Variants in STXBP5 observed in about 807,000 individuals in gnomAD.
The protein encoded by STXBP5 is syntaxin-binding protein 5.
In STXBP5, 50 loss-of-function variants were observed where a neutral mutation model predicts 152.4. That is an observed-to-expected ratio of 0.33 (90% CI 0.26 to 0.42). The LOEUF is 0.42. STXBP5 is among the 10% of genes least tolerant of loss of function. STXBP5 has a pLI of 1.00. For synonymous variants in STXBP5, 492 were observed against 494.7 expected (o/e 0.99, Z 0.07); for missense variants, 1,167 against 1,388.6 (o/e 0.84, Z 2.54).
Position 147,382,976 on chromosome 6 carries a change from C to T in STXBP5, c.3392C>T (p.Ser1131Leu), listed in dbSNP as rs1039243195. ...GCGGCCATGTTATCAAGTGCAGAGT[C>T]ATTTTCTAAACATGCTCATGAGGTA... The part of the protein sequence containing the change: ...RTAAMLSSAE[S>L]FSKHAHEIML... Residue 1131 changes from serine to leucine, a missense_variant, in exon 27 of 28, where the codon TCA becomes TTA. By Grantham distance (145) the Ser-to-Leu change is moderately radical. Transcript: ENST00000321680. 2 of 1,613,204 alleles carry T rather than the reference C, an allele frequency of 1.2e-6. No homozygotes were observed. Among genetic ancestry groups the T allele is most frequent in the Non-Finnish European group, 1.7e-6 (2 of 1,179,598 alleles).
At chr6:147,283,336 A>G (rs1469080373) in intron 8 of STXBP5, among the ~76,000 whole-genome samples, 2 of 152,190 alleles carry the variant, frequency 1.3e-5, no homozygotes, top group African/African-American at 4.8e-5. Flanking sequence ...ATTCACCTGA[A>G]ATCTAAAACA....
chr6:147,205,485 A>G (rs1776502691), intron 1 of STXBP5, among the ~76,000 whole-genome samples: 1 of 151,946 alleles, frequency 6.6e-6, no homozygotes, highest in Non-Finnish European at 1.5e-5. Context: ...ACAAGTGTAA[A>G]ATGTTGGGAT....
Position 147,337,126 on chromosome 6 carries a change from A to G in STXBP5, c.2147-2053A>G, listed in dbSNP as rs1338372585. Among the ~76,000 whole-genome samples the G allele has an allele frequency of 2.0e-5, 3 of 151,566 alleles. No individual in the cohort carries two copies. In the East Asian group the frequency reaches 5.8e-4, roughly 29 times the overall value. ...CAAAGAACTTATATTGCTTCACTGA[A>G]CACTTTAGTATTATTGGAATTTTTT... On this transcript the variant is annotated intron_variant, in intron 19 of 27. Transcript: ENST00000321680.
Position 147,387,130 on chromosome 6 carries a change from A to G in STXBP5, c.*2375A>G, listed in dbSNP as rs1786377900. On this transcript the variant is annotated 3_prime_UTR_variant, in exon 28 of 28. Coordinates refer to ENST00000321680, the MANE Select transcript of STXBP5 (RefSeq NM_001127715.4). ...CAGTTAGGATTAGAAAGCTTAAAGTATGTTTGAGTGTAGGAAATAAGCTTC... is the reference window on the plus strand; with the variant it reads ...CAGTTAGGATTAGAAAGCTTAAAGTGTGTTTGAGTGTAGGAAATAAGCTTC... 6.6e-6 allele frequency: 1 copy of G among 151,672 alleles called. No individual in the cohort carries two copies. Among genetic ancestry groups the G allele is most frequent in the African/African-American group, 2.4e-5 (1 of 41,394 alleles). 9.4% of individuals were successfully genotyped at this position (151,672 alleles called of 1,614,324 possible). A position where few individuals can be genotyped will look rare whatever the true frequency, so the allele number is the denominator to read the frequency against.
chr6:147,269,742 A>G (rs577288477), intron 7 of STXBP5, among the ~76,000 whole-genome samples: 1 of 152,282 alleles, frequency 6.6e-6, no homozygotes, highest in South Asian at 2.1e-4. Flanking sequence ...GTACTGCCAA[A>G]GGATTAATAC....
chr6:147,313,872 C>T lies in STXBP5; in HGVS notation c.1146-12C>T. Reference sequence around the variant, plus strand: ...TAAATTAATAAATACTTTTCTTTTTCTGTTGTTAAAGATATCCTATATTTG... The same window carrying T: ...TAAATTAATAAATACTTTTCTTTTTTTGTTGTTAAAGATATCCTATATTTG... On this transcript the variant is annotated splice_polypyrimidine_tract_variant and intron_variant, in intron 11 of 27. Transcript: ENST00000321680. 1 of 1,472,986 alleles carries T rather than the reference C, an allele frequency of 6.8e-7. No individual in the cohort carries two copies. Among genetic ancestry groups the T allele is most frequent in the Admixed American group, 1.9e-5 (1 of 52,464 alleles). 91.2% of individuals were successfully genotyped at this position (1,472,986 alleles called of 1,614,324 possible).
chr6:147,336,431 T>A (rs1247003328), intron 19 of STXBP5, among the ~76,000 whole-genome samples: 1 of 151,966 alleles, frequency 6.6e-6, no homozygotes, highest in Non-Finnish European at 1.5e-5. Flanking sequence ...AACATTCTAA[T>A]AGGAAAATAA....
rs148831335 is a variant in STXBP5, at chr6:147,281,853, T to A, written c.838+3649T>A. On this transcript the variant is annotated intron_variant, in intron 8 of 27. Coordinates refer to ENST00000321680, the MANE Select transcript of STXBP5 (RefSeq NM_001127715.4). ...GATTTTGAAGCCAGAAGAGTTGTAG[T>A]TAAGCACTAATTCCATAGTTTCTGG... 4.9e-4 allele frequency among the ~76,000 whole-genome samples: 74 copies of A among 152,332 alleles called. 1 individual carries two copies. In the East Asian group the frequency reaches 0.013, roughly 27 times the overall value.
At chr6:147,296,011 G>T (rs1781502904) in intron 9 of STXBP5, among the ~76,000 whole-genome samples, 1 of 151,976 alleles carries the variant, frequency 6.6e-6, no homozygotes, top group African/African-American at 2.4e-5. Context: ...AGTGCCTGTG[G>T]CCAGGAACAG....
At chr6:147,368,945 A>C (rs1376225719) in intron 25 of STXBP5, among the ~76,000 whole-genome samples, 16 of 151,922 alleles carry the variant, frequency 1.1e-4, no homozygotes. Context: ...AATTTTTTAA[A>C]GTCTTAAAAA....
intron 4 of STXBP5, among the ~76,000 whole-genome samples, chr6:147,251,596 G>T (rs1015718972): frequency 6.6e-6 from 1 of 152,180 alleles, no homozygotes; most frequent in African/African-American, 2.4e-5. Context: ...CCAGTCAGTG[G>T]CTTATAGATG....
chr6:147,228,828 G>A (rs895403596), intron 2 of STXBP5, among the ~76,000 whole-genome samples: 1 of 151,892 alleles, frequency 6.6e-6, no homozygotes, highest in African/African-American at 2.4e-5. Flanking sequence ...ACATATTTTA[G>A]GAATTAATGT....
At position 147,267,154 on chromosome 6, in the gene STXBP5, A is replaced by C; in HGVS notation, c.701A>C (p.Tyr234Ser). The C allele has an allele frequency of 6.2e-7, 1 of 1,608,954 alleles. No individual in the cohort carries two copies. Among genetic ancestry groups the C allele is most frequent in the Non-Finnish European group, 8.5e-7 (1 of 1,178,164 alleles). The part of the protein sequence containing the change: ...DLKSKKADYR[Y>S]TYDEAIHSVA... ...AAATCAAAGAAAGCCGACTACAGAT[A>C]CACATATGATGAGGTAATATTATTT... Residue 234 changes from tyrosine (Y) to serine (S), a missense_variant, in exon 7 of 28, where the codon TAC (tyrosine) becomes TCC (serine). Physicochemically the swap from Tyr to Ser is moderately radical, Grantham distance 144. This residue lies in a region of STXBP5 where 310 missense variants were observed against 346.1 expected (regional missense o/e 0.90). Coordinates refer to ENST00000321680, the MANE Select transcript of STXBP5 (RefSeq NM_001127715.4).
rs1049407926 is a variant in STXBP5 at position 147,288,708 on chromosome 6, AACTG to A, written c.839-2384_839-2381del. Among the ~76,000 whole-genome samples, 11 of 152,196 alleles carry A rather than the reference AACTG, an allele frequency of 7.2e-5. No homozygotes were observed. The East Asian group carries it at 2.1e-3, about 29-fold the overall frequency. Reference sequence around the variant, plus strand: ...CTTGCCTCCTCAGAAGAAAGAATTCAACTGAGGAGCATAAAGAAAAAAAGAGACC... The same window carrying A: ...CTTGCCTCCTCAGAAGAAAGAATTCAAGGAGCATAAAGAAAAAAAGAGACC... On this transcript the variant is annotated intron_variant, in intron 8 of 27. Transcript: ENST00000321680.
intron 2 of STXBP5, among the ~76,000 whole-genome samples, chr6:147,216,212 T>C (rs574323029): frequency 6.6e-6 from 1 of 152,156 alleles, no homozygotes; most frequent in South Asian, 2.1e-4. Flanking sequence ...ACCAACATGG[T>C]GAAACCCCGT....
intron 2 of STXBP5, among the ~76,000 whole-genome samples, chr6:147,225,394 T>G (rs943240760): frequency 6.6e-6 from 1 of 152,186 alleles, no homozygotes; most frequent in Non-Finnish European, 1.5e-5. Context: ...AGTTCTCCAG[T>G]TGCTTTCTAT....
intron 2 of STXBP5, among the ~76,000 whole-genome samples, chr6:147,209,041 C>G (rs1250263995): frequency 6.6e-6 from 1 of 152,000 alleles, no homozygotes; most frequent in Admixed American, 6.5e-5. Context: ...CTGTCTTTAT[C>G]TAGACTTCTG....
chr6:147,339,236 AG>A lies in STXBP5; in HGVS notation c.2206+1del. 1 of 1,534,606 alleles carries A rather than the reference AG, an allele frequency of 6.5e-7. No individual in the cohort carries two copies. The highest frequency in any genetic ancestry group is 8.8e-7 in the Non-Finnish European group (1 of 1,140,090). ...CAAAAAATGAATAATTTTATAGAAA[AG>A]GGTATAGTATCTTGATTTTAAAGTA... ...DEQKMNNFIEKVKTKSRKFSK... is the reference protein window; with the variant it reads ...DEQKMNNFIEXVKTKSRKFSK... On this transcript the variant is annotated frameshift_variant and splice_region_variant, in exon 20 of 28. Transcript: ENST00000321680. LOFTEE classifies it high-confidence loss of function.
At chr6:147,353,440 T>G (rs1784678956) in intron 22 of STXBP5, 67 bp downstream of exon 22, 2 of 1,078,418 alleles carry the variant, frequency 1.9e-6, no homozygotes, top group African/African-American at 1.6e-5. Flanking sequence ...ATCAGAAAAT[T>G]TATAGTTACT....
Sources: allele counts gnomAD v4.1 joint callset (sites outside exome capture counted in the v4.1 genomes callset), GRCh38; gene constraint gnomAD v4.1.1; regional missense constraint gnomAD v4.1.1; transcripts MANE v1.5; gene names NCBI Gene and HGNC (gene_info 2026-07-23, HGNC 2026-07-21).